The following CRPPA variants were observed in gnomAD, a reference collection of about 807,000 sequenced individuals.
The protein encoded by CRPPA is D-ribitol-5-phosphate cytidylyltransferase.
A neutral mutation model predicts 52.0 loss-of-function variants in CRPPA; 43 were observed. The observed-to-expected ratio is 0.83, with a 90% CI of 0.65 to 1.07. The LOEUF is 1.07. CRPPA is among the 50% of genes least tolerant of loss of function. CRPPA has a pLI of 0.00. For missense variants in CRPPA, 629 were observed against 551.7 expected, an observed-to-expected ratio of 1.14 and a Z score of -1.40; for synonymous variants, 250 against 203.5, an observed-to-expected ratio of 1.23 and a Z score of -1.94.
intron 5 of CRPPA, among the ~76,000 whole-genome samples, chr7:16,293,154 C>A (rs1472725837): frequency 6.6e-6 from 1 of 151,794 alleles, no homozygotes; most frequent in Non-Finnish European, 1.5e-5. Flanking sequence ...TAAGGTAGAT[C>A]CTCAAGCAGG....
chr7:16,414,408 G>A (rs1341640699), intron 1 of CRPPA, among the ~76,000 whole-genome samples: 1 of 137,934 alleles, frequency 7.2e-6, no homozygotes, highest in African/African-American at 2.6e-5. Context: ...CACACCCCAT[G>A]ACACTTTCCT....
chr7:16,344,688 G>T (rs757180951), intron 3 of CRPPA, among the ~76,000 whole-genome samples: 4 of 151,942 alleles, frequency 2.6e-5, no homozygotes, highest in Non-Finnish European at 5.9e-5. Context: ...GAAGAAAAAG[G>T]TATAAGTTCT....
intron 9 of CRPPA, among the ~76,000 whole-genome samples, chr7:16,113,137 C>T (rs530508397): frequency 6.6e-6 from 1 of 151,690 alleles, no homozygotes; most frequent in African/African-American, 2.4e-5. Flanking sequence ...AGAAATGAGA[C>T]CTGAAATACA....
intron 3 of CRPPA, among the ~76,000 whole-genome samples, chr7:16,360,984 C>A (rs1167994695): frequency 6.6e-6 from 1 of 152,000 alleles, no homozygotes; most frequent in Non-Finnish European, 1.5e-5. Context: ...AGGTTTAAGA[C>A]CTAGAATACA....
intron 9 of CRPPA, among the ~76,000 whole-genome samples, chr7:16,139,808 T>A (rs1562522761): frequency 6.6e-6 from 1 of 152,194 alleles, no homozygotes; most frequent in African/African-American, 2.4e-5. Flanking sequence ...ATTAACACAA[T>A]TTAAATATTC....
At chr7:16,289,709 C>G (rs2128420486) in intron 5 of CRPPA, among the ~76,000 whole-genome samples, 1 of 152,138 alleles carries the variant, frequency 6.6e-6, no homozygotes, top group African/African-American at 2.4e-5. Context: ...TGTGATAAAC[C>G]CACAGCTAGC....
At chr7:16,321,962 C>T (rs1444286286) in intron 3 of CRPPA, among the ~76,000 whole-genome samples, 1 of 152,042 alleles carries the variant, frequency 6.6e-6, no homozygotes, top group Non-Finnish European at 1.5e-5. Flanking sequence ...AAACAAAGTA[C>T]TGCTGGCCAA....
chr7:16,099,363 G>T (rs1167675536), intron 9 of CRPPA, among the ~76,000 whole-genome samples: 1 of 138,282 alleles, frequency 7.2e-6, no homozygotes, highest in Non-Finnish European at 1.6e-5. Flanking sequence ...GGGAAGGGGA[G>T]TGTAGAGGAA....
At chr7:16,299,070 A>G (rs114712861) in intron 5 of CRPPA, among the ~76,000 whole-genome samples, 1,755 of 152,314 alleles carry the variant, frequency 0.012, 41 homozygotes, top group African/African-American at 0.04. Flanking sequence ...CATCTTATCT[A>G]TATCTCTGTA....
chr7:16,249,223 C>T (rs998245848), intron 8 of CRPPA, among the ~76,000 whole-genome samples: 3 of 152,090 alleles, frequency 2.0e-5, no homozygotes, highest in East Asian at 3.9e-4. Flanking sequence ...AGGCAGCAGC[C>T]CCAGTCAGGG....
intron 9 of CRPPA, among the ~76,000 whole-genome samples, chr7:16,141,600 T>C (rs182068689): frequency 1.3e-5 from 2 of 152,342 alleles, no homozygotes; most frequent in East Asian, 3.9e-4. Context: ...GCTGTAATTC[T>C]TATCCTTCTC....
At chr7:16,112,098 T>G (rs1007635244) in intron 9 of CRPPA, among the ~76,000 whole-genome samples, 1 of 152,176 alleles carries the variant, frequency 6.6e-6, no homozygotes, top group South Asian at 2.1e-4. Flanking sequence ...GAAGATTGCC[T>G]GAGCTCAGGG....
At chr7:16,203,159 A>C (rs1020240482) in intron 9 of CRPPA, among the ~76,000 whole-genome samples, 1 of 152,218 alleles carries the variant, frequency 6.6e-6, no homozygotes, top group Non-Finnish European at 1.5e-5. Context: ...CACATTTTAT[A>C]TAATTTGGAC....
intron 9 of CRPPA, among the ~76,000 whole-genome samples, chr7:16,176,051 G>C (rs1234697236): frequency 6.6e-6 from 1 of 152,072 alleles, no homozygotes; most frequent in African/African-American, 2.4e-5. Context: ...TTTCTCTTAT[G>C]AAGAACTGTG....
At chr7:16,171,237 C>A (rs752566085) in intron 9 of CRPPA, among the ~76,000 whole-genome samples, 7 of 152,212 alleles carry the variant, frequency 4.6e-5, no homozygotes, top group African/African-American at 1.7e-4. Flanking sequence ...GTTTCTCCAA[C>A]CTTTTATGTA....
chr7:16,244,363 C>A (rs140298757), intron 8 of CRPPA, among the ~76,000 whole-genome samples: 106 of 152,210 alleles, frequency 7.0e-4, no homozygotes, highest in African/African-American at 2.5e-3. Context: ...ACCAATGTAC[C>A]AACAACCAAG....
At chr7:16,191,988 T>G (rs1781624217) in intron 9 of CRPPA, among the ~76,000 whole-genome samples, 1 of 152,144 alleles carries the variant, frequency 6.6e-6, no homozygotes, top group Non-Finnish European at 1.5e-5. Context: ...CCTGGCATAG[T>G]GAATTTTTTA....
At chr7:16,209,843 G>C (rs1782082937) in intron 9 of CRPPA, among the ~76,000 whole-genome samples, 1 of 152,104 alleles carries the variant, frequency 6.6e-6, no homozygotes, top group Non-Finnish European at 1.5e-5. Context: ...AATACAGAAA[G>C]ACAAATTTTA....
intron 9 of CRPPA, among the ~76,000 whole-genome samples, chr7:16,125,977 T>G (rs1045770871): frequency 2.0e-5 from 3 of 151,174 alleles, no homozygotes; most frequent in African/African-American, 7.3e-5. Flanking sequence ...GTGAATTCTA[T>G]GATGTGACTA....
Sources: allele counts gnomAD v4.1 joint callset (sites outside exome capture counted in the v4.1 genomes callset), GRCh38; gene constraint gnomAD v4.1.1; transcripts MANE v1.5; gene names NCBI Gene and HGNC (gene_info 2026-07-23, HGNC 2026-07-21).